Variants in PIAS1 observed in about 807,000 individuals in gnomAD.
The protein encoded by PIAS1 is E3 SUMO-protein ligase PIAS1.
A neutral mutation model predicts 71.3 loss-of-function variants in PIAS1; 6 were observed. The ratio of observed to expected loss-of-function variants is 0.08; its 90% CI spans 0.05 to 0.17. PIAS1 has a LOEUF of 0.17. Ranked by LOEUF, PIAS1 falls within the 10% of genes least tolerant of loss-of-function variation. The probability of loss-of-function intolerance (pLI) is 1.00; values close to 1 mark genes in which losing one functional copy is unlikely to be tolerated. For synonymous variants in PIAS1, 303 were observed against 292.9 expected (o/e 1.03, Z -0.35); for missense variants, 555 against 793.6 (o/e 0.70, Z 3.61).
chr15:68,128,985 GA>G (rs963247677), intron 2 of PIAS1, among the ~76,000 whole-genome samples: 7 of 151,970 alleles, frequency 4.6e-5, no homozygotes, highest in South Asian at 4.2e-4. Flanking sequence ...GTGATAAACA[GA>G]AAAAAACTTT....
chr15:68,063,117 G>C (rs1280444544), intron 1 of PIAS1, among the ~76,000 whole-genome samples: 2 of 152,118 alleles, frequency 1.3e-5, no homozygotes, highest in Non-Finnish European at 2.9e-5. Flanking sequence ...AAACATCACA[G>C]GTAAGGGTTG....
intron 1 of PIAS1, among the ~76,000 whole-genome samples, chr15:68,082,834 G>A (rs2092241078): frequency 6.6e-6 from 1 of 152,116 alleles, no homozygotes; most frequent in Admixed American, 6.5e-5. Context: ...TGGTTGCCTC[G>A]GGGATTTGAA....
intron 2 of PIAS1, among the ~76,000 whole-genome samples, chr15:68,139,007 C>G (rs2092752505): frequency 6.6e-6 from 1 of 152,092 alleles, no homozygotes; most frequent in Non-Finnish European, 1.5e-5. Flanking sequence ...TATATTTTGA[C>G]TCAGTATAGT....
At chr15:68,083,324 G>T (rs967154444) in intron 1 of PIAS1, among the ~76,000 whole-genome samples, 6 of 151,850 alleles carry the variant, frequency 4.0e-5, no homozygotes, top group Admixed American at 3.9e-4. Context: ...AGTGTTTCCC[G>T]CCCCCTTCTT....
intron 1 of PIAS1, among the ~76,000 whole-genome samples, chr15:68,079,419 A>T (rs962245117): frequency 6.6e-6 from 1 of 152,140 alleles, no homozygotes; most frequent in South Asian, 2.1e-4. Flanking sequence ...AATGTGTTAG[A>T]AATTTGCACT....
At chr15:68,175,260 A>G (rs1469025307) in intron 9 of PIAS1, among the ~76,000 whole-genome samples, 2 of 152,166 alleles carry the variant, frequency 1.3e-5, no homozygotes, top group Admixed American at 1.3e-4. Flanking sequence ...GTTTTGCTTT[A>G]GTTTATCAAA....
At position 68,054,315 on chromosome 15, in the gene PIAS1, G is replaced by C. The variant is rs771847003; in HGVS notation, c.-12G>C. 1 of 1,566,416 alleles carries C rather than the reference G, an allele frequency of 6.4e-7. No homozygotes were observed. Among genetic ancestry groups the C allele is most frequent in the Admixed American group, 1.9e-5 (1 of 53,594 alleles). The stretch of plus-strand genomic sequence containing the variant: ...CGGCGAAGTTCACTGCGCTTGCGCT[G>C]ACAGACGCAAGATGGCGGACAGTGC... On this transcript the variant is annotated 5_prime_UTR_variant, in exon 1 of 14. Transcript: ENST00000249636. This position sits in a 1 kb window ranked among gnomAD's most constrained non-coding sequence, Gnocchi z 4.6.
At chr15:68,122,999 T>C (rs1010677917) in intron 2 of PIAS1, among the ~76,000 whole-genome samples, 23 of 152,028 alleles carry the variant, frequency 1.5e-4, no homozygotes, top group African/African-American at 5.6e-4. Flanking sequence ...AGCTGTTTTT[T>C]TTTTTTTAAG....
At chr15:68,093,299 A>G (rs2092347801) in intron 2 of PIAS1, among the ~76,000 whole-genome samples, 1 of 152,254 alleles carries the variant, frequency 6.6e-6, no homozygotes, top group Non-Finnish European at 1.5e-5. Context: ...TGTAATTACA[A>G]TTACAAGTGC....
intron 2 of PIAS1, among the ~76,000 whole-genome samples, chr15:68,107,846 CA>C (rs2092485887): frequency 6.6e-6 from 1 of 151,540 alleles, no homozygotes; most frequent in Non-Finnish European, 1.5e-5. Flanking sequence ...TATATACCAC[CA>C]GTAAATACGA....
chr15:68,165,319 C>T (rs1328801431), intron 8 of PIAS1, among the ~76,000 whole-genome samples: 2 of 152,034 alleles, frequency 1.3e-5, no homozygotes, highest in Non-Finnish European at 2.9e-5. Context: ...TGGGGTTTCT[C>T]CATGTTGGTC....
intron 1 of PIAS1, chr15:68,055,903 C>T: frequency 1.4e-6 from 1 of 701,292 alleles, no homozygotes; most frequent in East Asian, 2.7e-5. Flanking sequence ...CTCCAAGATT[C>T]GTATGTTAAG....
chr15:68,141,293 C>T (rs2092768230), intron 2 of PIAS1, among the ~76,000 whole-genome samples: 1 of 152,128 alleles, frequency 6.6e-6, no homozygotes. Context: ...GCTTACCTAC[C>T]TGCTTGCATG....
chr15:68,173,867 C>G lies in PIAS1; in HGVS notation c.1144C>G (p.Pro382Ala). Residue 382 changes from proline to alanine, a missense_variant, in exon 9 of 14, where the codon CCA (proline) becomes GCA (alanine). This residue lies in a region of PIAS1 where 49 missense variants were observed against 129.2 expected (regional missense o/e 0.38). Coordinates refer to ENST00000249636, the MANE Select transcript of PIAS1 (RefSeq NM_016166.3). This position sits in a 1 kb window ranked among gnomAD's most constrained non-coding sequence, Gnocchi z 4.3. ...TTGTCCTGTCTGTGATAAGAAGGCT[C>G]CATATGAACACCTTATTATTGATGG... ...WVCPVCDKKAPYEHLIIDGLF... is the reference protein window; with the variant it reads ...WVCPVCDKKAAYEHLIIDGLF... The G allele has an allele frequency of 1.9e-6, 3 of 1,575,508 alleles. 1 individual carries two copies. In the South Asian group the frequency reaches 3.5e-5, roughly 18 times the overall value.
intron 2 of PIAS1, among the ~76,000 whole-genome samples, chr15:68,102,846 A>G (rs1244344535): frequency 6.6e-6 from 1 of 152,052 alleles, no homozygotes; most frequent in Non-Finnish European, 1.5e-5. Flanking sequence ...GCTGCCTTCC[A>G]TTTATTTACT....
chr15:68,170,991 C>G (rs1200893417), intron 8 of PIAS1, among the ~76,000 whole-genome samples: 2 of 151,848 alleles, frequency 1.3e-5, no homozygotes, highest in Non-Finnish European at 2.9e-5. Flanking sequence ...ACTTTTGACT[C>G]TTGTAATAAC....
At chr15:68,100,098 G>GAA (rs56224845) in intron 2 of PIAS1, among the ~76,000 whole-genome samples, 17 of 138,816 alleles carry the variant, frequency 1.2e-4, no homozygotes, top group African/African-American at 2.9e-4. Flanking sequence ...ATTTCTTCGG[G>GAA]AAAAAAAAAA....
intron 1 of PIAS1, among the ~76,000 whole-genome samples, chr15:68,075,078 C>CTTTTTTTTTTTTTTTTT (rs146114696): frequency 4.9e-5 from 4 of 81,784 alleles, no homozygotes; most frequent in East Asian, 3.6e-4. Context: ...TTCTTTCTTT[C>CTTTTTTTTTTTTTTTTT]TTTTTTTTTT....
intron 1 of PIAS1, among the ~76,000 whole-genome samples, chr15:68,068,037 G>A (rs886482329): frequency 6.6e-6 from 1 of 152,126 alleles, no homozygotes; most frequent in African/African-American, 2.4e-5. Context: ...CAAAGAGGAG[G>A]ATTCCGTAGG....
Sources: gnomAD v4.1 joint callset for allele counts (sites outside exome capture counted in the v4.1 genomes callset) on GRCh38, gnomAD v4.1.1 for gene constraint, gnomAD v4.1.1 regional missense constraint, Gnocchi (gnomAD v3.1) non-coding constraint, MANE v1.5 for transcripts, NCBI Gene and HGNC (gene_info 2026-07-23, HGNC 2026-07-21) for gene names.